Variants in CDH13 observed in about 807,000 individuals in gnomAD.
The protein encoded by CDH13 is cadherin 13.
In CDH13, 24 loss-of-function variants were observed where a neutral mutation model predicts 63.8. The observed-to-expected ratio is 0.38, with a 90% CI of 0.27 to 0.53. The LOEUF (loss-of-function observed/expected upper bound fraction) is 0.53. Among genes scored for constraint, CDH13 ranks in the 20% least tolerant of loss-of-function variants. CDH13 has a pLI of 0.85. For synonymous variants in CDH13, 503 were observed against 355.3 expected, an observed-to-expected ratio of 1.42 and a Z score of -4.67; for missense variants, 1,049 against 903.1, an observed-to-expected ratio of 1.16 and a Z score of -2.07.
At chr16:83,578,011 A>G (rs12596275) in intron 7 of CDH13, among the ~76,000 whole-genome samples, 14,698 of 152,260 alleles carry the variant, frequency 0.097, 1,031 homozygotes, top group East Asian at 0.22. Flanking sequence ...CTTCTCAACA[A>G]TATAATAGAA....
chr16:83,322,035 T>G (rs1255001101), intron 5 of CDH13, among the ~76,000 whole-genome samples: 1 of 152,186 alleles, frequency 6.6e-6, no homozygotes, highest in Admixed American at 6.5e-5. Flanking sequence ...CAGCAGGGAC[T>G]TCAGCAGGGC....
chr16:83,042,464 C>T lies in CDH13; in HGVS notation c.366+10246C>T, dbSNP rs549085359. ...TCACCCCGAGACAGGACCATGTAGT[C>T]GCAGGAAAACAAGCTGAGGGCTCCC... On this transcript the variant is annotated intron_variant, in intron 3 of 13. Transcript: ENST00000567109. Among the ~76,000 whole-genome samples the T allele has an allele frequency of 2.1e-3, 325 of 152,194 alleles. 2 individuals are homozygous for T. Among genetic ancestry groups the T allele is most frequent in the Middle Eastern group, 0.017 (5 of 294 alleles).
chr16:82,824,205 A>G (rs1351811671), intron 1 of CDH13: 1 of 152,196 alleles, frequency 6.6e-6, no homozygotes, highest in Non-Finnish European at 1.5e-5. Context: ...AATACACTAA[A>G]TCTGTTTAAA....
chr16:83,072,703 C>G (rs192585159), intron 3 of CDH13, among the ~76,000 whole-genome samples: 1 of 152,088 alleles, frequency 6.6e-6, no homozygotes, highest in East Asian at 1.9e-4. Context: ...GGAGCAATGT[C>G]GTTATGAGAA....
intron 1 of CDH13, among the ~76,000 whole-genome samples, chr16:82,711,441 T>A (rs929759770): frequency 5.3e-5 from 8 of 152,192 alleles, no homozygotes; most frequent in African/African-American, 1.7e-4. Context: ...GTAAACAGCT[T>A]GGACTCTGGC....
intron 6 of CDH13, among the ~76,000 whole-genome samples, chr16:83,390,028 A>C (rs1032013101): frequency 6.6e-6 from 1 of 151,340 alleles, no homozygotes; most frequent in Non-Finnish European, 1.5e-5. Flanking sequence ...CTAGGCTTGC[A>C]GCTGGGGCCT....
chr16:83,738,231 A>G (rs1911719932), intron 10 of CDH13, among the ~76,000 whole-genome samples: 1 of 152,224 alleles, frequency 6.6e-6, no homozygotes, highest in Admixed American at 6.5e-5. Flanking sequence ...TGGAGGGAAT[A>G]CACTGCTGTC....
Position 82,774,076 on chromosome 16 carries a change from C to G in CDH13, c.46-84286C>G, listed in dbSNP as rs1002821609. Among the ~76,000 whole-genome samples the G allele has an allele frequency of 6.6e-5, 10 of 152,190 alleles. No homozygotes were observed. In the East Asian group the frequency reaches 1.6e-3, roughly 24 times the overall value. On this transcript the variant is annotated intron_variant, in intron 1 of 13. Transcript: ENST00000567109. ...GGGACTACAGGAGTAAGACACCGTG[C>G]CCGGCCAGTATTGTTCTTCTTTATA...
Position 82,685,031 on chromosome 16 carries a change from C to G in CDH13, c.45+57894C>G, listed in dbSNP as rs144875381. Among the ~76,000 whole-genome samples the G allele has an allele frequency of 1.8e-3, 269 of 152,348 alleles. 1 individual carries two copies. The highest frequency in any genetic ancestry group is 3.4e-3 in the Middle Eastern group (1 of 294). ...ACTTGAGACAGTGTTTGCTGTGGAGCAACATGTGTGTCTGGCCGGTAAACC... is the reference window on the plus strand; with the variant it reads ...ACTTGAGACAGTGTTTGCTGTGGAGGAACATGTGTGTCTGGCCGGTAAACC... On this transcript the variant is annotated intron_variant, in intron 1 of 13. Transcript: ENST00000567109.
intron 2 of CDH13, among the ~76,000 whole-genome samples, chr16:82,949,993 A>G (rs1230948241): frequency 6.6e-6 from 1 of 152,086 alleles, no homozygotes; most frequent in Non-Finnish European, 1.5e-5. Context: ...AATGGTTAGT[A>G]TCAAGCAGGT....
chr16:82,889,423 G>A (rs1161671779), intron 2 of CDH13, among the ~76,000 whole-genome samples: 8 of 152,006 alleles, frequency 5.3e-5, no homozygotes, highest in African/African-American at 9.7e-5. Flanking sequence ...ACTCGCTTTC[G>A]GGTTGATGGA....
chr16:82,925,736 C>G (rs963755167), intron 2 of CDH13, among the ~76,000 whole-genome samples: 1 of 152,208 alleles, frequency 6.6e-6, no homozygotes, highest in African/African-American at 2.4e-5. Flanking sequence ...AAACCTCTAC[C>G]TAAGAGCAGC....
chr16:83,126,830 C>A (rs1050917390), intron 4 of CDH13, among the ~76,000 whole-genome samples: 2 of 152,056 alleles, frequency 1.3e-5, no homozygotes, highest in Non-Finnish European at 2.9e-5. Flanking sequence ...AAGCTTTGGA[C>A]TGGGTGTGAA....
At chr16:83,413,170 C>T (rs948285120) in intron 6 of CDH13, among the ~76,000 whole-genome samples, 1 of 152,126 alleles carries the variant, frequency 6.6e-6, no homozygotes, top group Admixed American at 6.5e-5. Flanking sequence ...AATGCAAAGG[C>T]ACGGTGATGC....
chr16:83,486,464 C>T lies in CDH13; in HGVS notation c.782-13C>T. On this transcript the variant is annotated splice_polypyrimidine_tract_variant and intron_variant, in intron 6 of 13. Transcript: ENST00000567109. ...TGATAACCATTCCGTGCCTTTCTGT[C>T]TTGCCCCGGTAGGCACCACAGTGAT... 1 of 1,608,400 alleles carries T rather than the reference C, an allele frequency of 6.2e-7. No homozygotes were observed. The highest frequency in any genetic ancestry group is 8.5e-7 in the Non-Finnish European group (1 of 1,176,546).
chr16:83,614,133 A>G (rs1909088309), intron 8 of CDH13, among the ~76,000 whole-genome samples: 1 of 152,194 alleles, frequency 6.6e-6, no homozygotes, highest in Non-Finnish European at 1.5e-5. Flanking sequence ...GAAAATGTTT[A>G]GAGATTAGTA....
chr16:83,493,424 T>C (rs984781209), intron 7 of CDH13, among the ~76,000 whole-genome samples: 3 of 152,206 alleles, frequency 2.0e-5, no homozygotes, highest in African/African-American at 7.2e-5. Flanking sequence ...TGGTGCTGGA[T>C]ATCAGGACGC....
intron 5 of CDH13, among the ~76,000 whole-genome samples, chr16:83,319,948 A>G (rs1182487281): frequency 1.3e-5 from 2 of 152,232 alleles, no homozygotes; most frequent in African/African-American, 2.4e-5. Context: ...GACGTTAGGC[A>G]TCATGGAAAA....
chr16:83,478,322 C>T (rs984013323), intron 6 of CDH13, among the ~76,000 whole-genome samples: 2 of 152,186 alleles, frequency 1.3e-5, no homozygotes, highest in African/African-American at 4.8e-5. Context: ...GCGCTTTACT[C>T]ATGTGAAGCT....
Sources: allele counts gnomAD v4.1 joint callset (sites outside exome capture counted in the v4.1 genomes callset), GRCh38; gene constraint gnomAD v4.1.1; transcripts MANE v1.5; gene names NCBI Gene and HGNC (gene_info 2026-07-23, HGNC 2026-07-21).